Variants in B3GALT1 observed in about 807,000 individuals in gnomAD.
B3GALT1 encodes UDP-Gal:betaGlcNAc beta 1,3-galactosyltransferase, polypeptide 1.
B3GALT1 carries 10 observed loss-of-function variants against 23.2 expected under a neutral mutation model. The ratio of observed to expected loss-of-function variants is 0.43; its 90% CI spans 0.27 to 0.73. The LOEUF is 0.73. B3GALT1 is among the 30% of genes least tolerant of loss of function. The pLI, the probability that B3GALT1 is intolerant of heterozygous loss-of-function variation, is 0.21. For missense variants in B3GALT1, 299 were observed against 405.4 expected, an observed-to-expected ratio of 0.74 and a Z score of 2.25; for synonymous variants, 156 against 141.5, an observed-to-expected ratio of 1.10 and a Z score of -0.73.
At chr2:167,354,094 C>T (rs187810056) in intron 1 of B3GALT1, among the ~76,000 whole-genome samples, 15 of 152,282 alleles carry the variant, frequency 9.9e-5, no homozygotes, top group Admixed American at 9.2e-4. Flanking sequence ...GCTTCTACCA[C>T]TTATGTGTCA....
rs1009945386 is a variant in B3GALT1, at chr2:167,831,459, G to A, written c.-230+12666G>A. Among the ~76,000 whole-genome samples the A allele has an allele frequency of 3.3e-5, 5 of 152,274 alleles. No individual in the cohort carries two copies. In the East Asian group the frequency reaches 9.6e-4, roughly 29 times the overall value. On this transcript the variant is annotated intron_variant, in intron 4 of 4. Coordinates refer to ENST00000392690, the MANE Select transcript of B3GALT1 (RefSeq NM_020981.4). ...TTGGGACATAATATTAAAACCACCT[G>A]GGTTCTTTCAGAATGGGCAGGTATG...
At chr2:167,349,097 C>G (rs1697268559) in intron 1 of B3GALT1, among the ~76,000 whole-genome samples, 3 of 152,122 alleles carry the variant, frequency 2.0e-5, no homozygotes, top group Admixed American at 6.6e-5. Flanking sequence ...GTACTTGCCC[C>G]CTGCCATTCA....
At chr2:167,814,076 T>C (rs532818155) in intron 3 of B3GALT1, among the ~76,000 whole-genome samples, 9 of 152,234 alleles carry the variant, frequency 5.9e-5, no homozygotes, top group Non-Finnish European at 1.2e-4. Flanking sequence ...ATGACCATGT[T>C]TACAAGTAAA....
intron 1 of B3GALT1, among the ~76,000 whole-genome samples, chr2:167,456,408 G>T (rs1343610037): frequency 6.6e-6 from 1 of 152,174 alleles, no homozygotes; most frequent in Non-Finnish European, 1.5e-5. Context: ...ATTTAAACAT[G>T]AAATGTGGAG....
chr2:167,452,245 A>G (rs1028465333), intron 1 of B3GALT1, among the ~76,000 whole-genome samples: 2 of 151,838 alleles, frequency 1.3e-5, no homozygotes, highest in Non-Finnish European at 1.5e-5. Context: ...AATTGTTACA[A>G]AGTTCAGCTG....
chr2:167,512,635 TAC>T (rs71031293), intron 2 of B3GALT1, among the ~76,000 whole-genome samples: 1,868 of 88,812 alleles, frequency 0.021, 76 homozygotes, highest in East Asian at 0.072. Context: ...TATATATATA[TAC>T]ATATATATAT....
At chr2:167,388,833 A>C (rs1015999281) in intron 1 of B3GALT1, among the ~76,000 whole-genome samples, 2 of 152,180 alleles carry the variant, frequency 1.3e-5, no homozygotes, top group Non-Finnish European at 2.9e-5. Flanking sequence ...ATAAGAATAC[A>C]ATAGCAATTC....
At chr2:167,437,834 A>G (rs937162854) in intron 1 of B3GALT1, among the ~76,000 whole-genome samples, 5 of 152,198 alleles carry the variant, frequency 3.3e-5, no homozygotes, top group African/African-American at 4.8e-5. Context: ...ACTGTCATGG[A>G]AAACAGTTTC....
At chr2:167,520,901 A>G (rs1230052446) in intron 2 of B3GALT1, among the ~76,000 whole-genome samples, 1 of 152,202 alleles carries the variant, frequency 6.6e-6, no homozygotes, top group African/African-American at 2.4e-5. Flanking sequence ...AAGCTGAATT[A>G]ATTGAGATGT....
At chr2:167,306,475 TA>T (rs1014153757) in intron 1 of B3GALT1, among the ~76,000 whole-genome samples, 2 of 152,040 alleles carry the variant, frequency 1.3e-5, no homozygotes, top group African/African-American at 4.8e-5. Context: ...TTTATAACTT[TA>T]AAAAATTTTT....
At chr2:167,801,932 G>A (rs147524594) in intron 3 of B3GALT1, among the ~76,000 whole-genome samples, 1,544 of 152,306 alleles carry the variant, frequency 0.01, 37 homozygotes, top group African/African-American at 0.035. Context: ...AGCTCTCATA[G>A]AGTTACACTG....
chr2:167,482,388 G>A (rs1006620417), intron 1 of B3GALT1, among the ~76,000 whole-genome samples: 1 of 152,162 alleles, frequency 6.6e-6, no homozygotes, highest in South Asian at 2.1e-4. Context: ...AATTAAAGAT[G>A]ATCATGAGAT....
chr2:167,646,954 C>T lies in B3GALT1; in HGVS notation c.-364C>T, dbSNP rs1310315407. 6.6e-6 allele frequency among the ~76,000 whole-genome samples: 1 copy of T among 152,076 alleles called. No individual in the cohort carries two copies. Among genetic ancestry groups the T allele is most frequent in the Non-Finnish European group, 1.5e-5 (1 of 68,022 alleles). ...GTCCTCAGAAGTGTTCTGGAGATCG[C>T]CTCTTTGAAAGCGTAAGTGTAAAGT... On this transcript the variant is annotated 5_prime_UTR_variant, in exon 3 of 5. Transcript: ENST00000392690.
chr2:167,678,738 G>T (rs1686472649), intron 3 of B3GALT1, among the ~76,000 whole-genome samples: 1 of 152,158 alleles, frequency 6.6e-6, no homozygotes, highest in South Asian at 2.1e-4. Context: ...CAGTATAGCA[G>T]CTTGCAGCTC....
chr2:167,741,191 CA>C (rs1284065977), intron 3 of B3GALT1, among the ~76,000 whole-genome samples: 4 of 150,700 alleles, frequency 2.7e-5, no homozygotes, highest in African/African-American at 2.4e-5. Context: ...GATGGTGAGG[CA>C]AAAAAAAGTG....
chr2:167,861,632 ACCT>A (rs1208438461), intron 4 of B3GALT1, among the ~76,000 whole-genome samples: 2 of 152,128 alleles, frequency 1.3e-5, no homozygotes, highest in African/African-American at 2.4e-5. Context: ...CTCAGATGTC[ACCT>A]CCTTAGAGAG....
Position 167,397,306 on chromosome 2 carries a change from CTT to C in B3GALT1, c.-510-92870_-510-92869del, listed in dbSNP as rs1405554390. ...CCTTCTATTCCTTTTTTTTCCACCT[CTT>C]CTTCCTTTTTAAAATTTCTTTTTAG... On this transcript the variant is annotated intron_variant, in intron 1 of 4. Coordinates refer to ENST00000392690, the MANE Select transcript of B3GALT1 (RefSeq NM_020981.4). Among the ~76,000 whole-genome samples the C allele has an allele frequency of 2.4e-4, 36 of 151,790 alleles. No homozygotes were observed. The East Asian group carries it at 3.3e-3, about 14-fold the overall frequency.
chr2:167,813,350 G>C (rs1322132179), intron 3 of B3GALT1, among the ~76,000 whole-genome samples: 1 of 152,120 alleles, frequency 6.6e-6, no homozygotes, highest in Non-Finnish European at 1.5e-5. Context: ...CTCACTTTCT[G>C]TCTTCTTTGA....
intron 3 of B3GALT1, among the ~76,000 whole-genome samples, chr2:167,666,521 T>G (rs9646730): frequency 6.6e-5 from 10 of 150,692 alleles, no homozygotes; most frequent in Admixed American, 6.0e-4. Flanking sequence ...CTTTCTGTCT[T>G]GTTGATCTGT....
Sources: gnomAD v4.1 joint callset for allele counts (sites outside exome capture counted in the v4.1 genomes callset) on GRCh38, gnomAD v4.1.1 for gene constraint, MANE v1.5 for transcripts, NCBI Gene and HGNC (gene_info 2026-07-23, HGNC 2026-07-21) for gene names.